The following KLHL29 variants were observed in gnomAD, a reference collection of about 807,000 sequenced individuals.
KLHL29 encodes the protein kelch like family member 29, also known as kelch-like protein 29.
A neutral mutation model predicts 80.4 loss-of-function variants in KLHL29; 21 were observed. That is an observed-to-expected ratio of 0.26 (90% confidence interval 0.19 to 0.38). KLHL29 has a LOEUF of 0.38. KLHL29 is among the 10% of genes least tolerant of loss of function. The pLI is 1.00. For synonymous variants in KLHL29, 511 were observed against 526.8 expected, an observed-to-expected ratio of 0.97 and a Z score of 0.41; for missense variants, 867 against 1,223.9, an observed-to-expected ratio of 0.71 and a Z score of 4.35.
At chr2:23,424,864 G>A (rs181777040) in intron 1 of KLHL29, among the ~76,000 whole-genome samples, 2 of 152,214 alleles carry the variant, frequency 1.3e-5, no homozygotes, top group African/African-American at 2.4e-5. Context: ...TTTTCCTTAC[G>A]CTCAAAAATG....
intron 2 of KLHL29, among the ~76,000 whole-genome samples, chr2:23,487,931 G>C (rs1664977493): frequency 6.6e-6 from 1 of 152,170 alleles, no homozygotes; most frequent in Admixed American, 6.5e-5. Flanking sequence ...CAGTGGCTCG[G>C]TGCATGCTCA....
chr2:23,621,609 C>A (rs995345783), intron 3 of KLHL29, among the ~76,000 whole-genome samples: 2 of 152,032 alleles, frequency 1.3e-5, no homozygotes, highest in African/African-American at 4.8e-5. Context: ...ACAGACCCCC[C>A]AGACAGGAAA....
At chr2:23,404,713 C>G (rs1157741692) in intron 1 of KLHL29, among the ~76,000 whole-genome samples, 1 of 152,230 alleles carries the variant, frequency 6.6e-6, no homozygotes, top group Non-Finnish European at 1.5e-5. Context: ...CTTAATACGT[C>G]CTGCCGAGCC....
chr2:23,573,288 T>G (rs541821306), intron 3 of KLHL29, among the ~76,000 whole-genome samples: 1 of 152,268 alleles, frequency 6.6e-6, no homozygotes, highest in Non-Finnish European at 1.5e-5. Flanking sequence ...TTTATTTTAT[T>G]TAAGGCACTC....
At chr2:23,676,358 A>G (rs1056745668) in intron 5 of KLHL29, among the ~76,000 whole-genome samples, 3 of 152,208 alleles carry the variant, frequency 2.0e-5, no homozygotes, top group South Asian at 2.1e-4. Flanking sequence ...AATTTTTTCT[A>G]TTTTTAGTAA....
At chr2:23,531,236 G>A (rs561740073) in intron 2 of KLHL29, among the ~76,000 whole-genome samples, 1 of 152,374 alleles carries the variant, frequency 6.6e-6, no homozygotes, top group African/African-American at 2.4e-5. Context: ...GCTGGGACCA[G>A]GGTGCAGCCA....
At chr2:23,618,392 T>C (rs1669076604) in intron 3 of KLHL29, among the ~76,000 whole-genome samples, 1 of 152,180 alleles carries the variant, frequency 6.6e-6, no homozygotes, top group Non-Finnish European at 1.5e-5. Context: ...ATCAGTAGAC[T>C]GAGTAAAGCA....
chr2:23,684,683 CCT>C lies in KLHL29; in HGVS notation c.1079+148_1079+149del. ...CATCTCTCCTCCTCCTCCTCCTCCT[CCT>C]CCCCAGTACCCTCTCACACACAGCC... is the stretch of plus-strand genomic sequence containing the variant. On this transcript the variant is annotated intron_variant, in intron 6 of 13. Transcript: ENST00000486442. The surrounding 1 kb of genome is among the most constrained non-coding windows in gnomAD (Gnocchi z 4.4). The C allele has an allele frequency of 1.5e-6, 1 of 653,348 alleles. No individual in the cohort carries two copies. The allele number at this position is 653,348 out of a possible 1,614,324, so 40.5% of individuals were successfully genotyped here.
chr2:23,396,077 G>A (rs959144520), intron 1 of KLHL29, among the ~76,000 whole-genome samples: 7 of 152,308 alleles, frequency 4.6e-5, no homozygotes, highest in Non-Finnish European at 4.4e-5. Flanking sequence ...TATAACAATT[G>A]GGTCTAGAAT....
intron 3 of KLHL29, among the ~76,000 whole-genome samples, chr2:23,576,134 G>A (rs752998944): frequency 5.3e-5 from 8 of 152,072 alleles, no homozygotes; most frequent in Admixed American, 1.3e-4. Flanking sequence ...GTGAAACGCC[G>A]TCTCTAGTAA....
At chr2:23,453,342 C>T (rs1031273359) in intron 1 of KLHL29, among the ~76,000 whole-genome samples, 12 of 152,198 alleles carry the variant, frequency 7.9e-5, no homozygotes, top group East Asian at 3.9e-4. Flanking sequence ...AAAAATGCAG[C>T]GGTTGCCAGC....
chr2:23,693,192 T>C, intron 7 of KLHL29, 77 bp from the exon 8 acceptor site: 3 of 1,474,358 alleles, frequency 2.0e-6, no homozygotes, highest in Non-Finnish European at 2.7e-6. Context: ...GAGAAGGATC[T>C]AGGGTGACAG....
At chr2:23,475,492 A>G (rs727936) in intron 1 of KLHL29, 68 bp from the exon 2 acceptor site, 2,036 of 161,662 alleles carry the variant, frequency 0.013, 24 homozygotes, top group Non-Finnish European at 0.021. Context: ...GCAAAAAAAA[A>G]AAAAGAAAAG....
chr2:23,469,578 A>G (rs1187334742), intron 1 of KLHL29, among the ~76,000 whole-genome samples: 3 of 152,222 alleles, frequency 2.0e-5, no homozygotes, highest in Admixed American at 6.5e-5. Flanking sequence ...GCCTGTTTAT[A>G]AGAGCAAAAT....
intron 1 of KLHL29, among the ~76,000 whole-genome samples, chr2:23,414,885 G>C (rs905423149): frequency 2.4e-4 from 36 of 152,230 alleles, no homozygotes; most frequent in African/African-American, 8.7e-4. Flanking sequence ...ATTCTTTGTA[G>C]CAAGCAACAG....
intron 2 of KLHL29, among the ~76,000 whole-genome samples, chr2:23,528,850 C>A (rs1666407949): frequency 6.6e-6 from 1 of 152,230 alleles, no homozygotes; most frequent in Non-Finnish European, 1.5e-5. Flanking sequence ...AGTGCTATCT[C>A]TGCGGCCACC....
At chr2:23,550,324 G>C (rs1385046138) in intron 2 of KLHL29, among the ~76,000 whole-genome samples, 1 of 152,104 alleles carries the variant, frequency 6.6e-6, no homozygotes, top group African/African-American at 2.4e-5. Context: ...ACAGGAAGTG[G>C]GCTACGTCAT....
rs1212898944 is a variant in KLHL29, at chr2:23,562,433, G to A, written c.237G>A (p.Glu79=). 1 of 1,537,328 alleles carries A rather than the reference G, an allele frequency of 6.5e-7. No homozygotes were observed. The highest frequency in any genetic ancestry group is 8.7e-7 in the Non-Finnish European group (1 of 1,146,774). The change falls in exon 3 of 14, where the codon GAG becomes GAA. Residue 79 remains glutamate (E), a synonymous_variant. Transcript: ENST00000486442. This position sits in a 1 kb window ranked among gnomAD's most constrained non-coding sequence, Gnocchi z 4.5. ...CTCCCTGCACCACCGGCAGCAGCGA[G>A]GCCATCACCAGCCTCGTGGCCAGCT... ...APAPCTTGSS[E]AITSLVASSA...
chr2:23,440,248 A>G (rs1663474818), intron 1 of KLHL29, among the ~76,000 whole-genome samples: 1 of 152,164 alleles, frequency 6.6e-6, no homozygotes, highest in African/African-American at 2.4e-5. Flanking sequence ...TGTTTAATAA[A>G]TGGTGCTGGG....
Sources: allele counts gnomAD v4.1 joint callset (sites outside exome capture counted in the v4.1 genomes callset), GRCh38; gene constraint gnomAD v4.1.1; non-coding constraint Gnocchi (gnomAD v3.1); transcripts MANE v1.5; gene names NCBI Gene and HGNC (gene_info 2026-07-23, HGNC 2026-07-21).